Variants in COMMD10 observed in about 807,000 individuals in gnomAD.
COMMD10 encodes the protein COMM domain-containing protein 10.
In COMMD10, 33 loss-of-function variants were observed where a neutral mutation model predicts 28.9. That is an observed-to-expected ratio of 1.14 (90% CI 0.87 to 1.53). The LOEUF (loss-of-function observed/expected upper bound fraction) is 1.53. Among genes scored for constraint, COMMD10 ranks in the 40% most tolerant of loss-of-function variants. The pLI is 0.00. For missense variants in COMMD10, 310 were observed against 233.4 expected (o/e 1.33, Z -2.14); for synonymous variants, 110 against 81.7 (o/e 1.35, Z -1.87).
intron 5 of COMMD10, among the ~76,000 whole-genome samples, chr5:116,159,647 C>T (rs1386958051): frequency 6.6e-6 from 1 of 152,162 alleles, no homozygotes; most frequent in Non-Finnish European, 1.5e-5. Flanking sequence ...ACACTAGATG[C>T]TTGTACATGA....
intron 5 of COMMD10, among the ~76,000 whole-genome samples, chr5:116,146,441 T>C (rs913238236): frequency 1.3e-5 from 2 of 151,868 alleles, no homozygotes; most frequent in Non-Finnish European, 2.9e-5. Context: ...TTTTTGGAAT[T>C]GTTTTTCTGA....
intron 5 of COMMD10, among the ~76,000 whole-genome samples, chr5:116,250,707 G>A (rs57298506): frequency 0.26 from 39,051 of 151,730 alleles, 6,622 homozygotes; most frequent in African/African-American, 0.49. Flanking sequence ...GGAGGAGATG[G>A]GAGGGAACTG....
intron 5 of COMMD10, among the ~76,000 whole-genome samples, chr5:116,241,594 A>ATTTATTTG (rs1380311345): frequency 4.7e-5 from 7 of 147,410 alleles, no homozygotes; most frequent in Non-Finnish European, 7.5e-5. Flanking sequence ...TTATTTATTT[A>ATTTATTTG]TTTATTTATT....
chr5:116,091,520 G>A (rs1750297736), intron 3 of COMMD10, among the ~76,000 whole-genome samples: 1 of 152,114 alleles, frequency 6.6e-6, no homozygotes, highest in South Asian at 2.1e-4. Flanking sequence ...TAGAAAAGAA[G>A]TATTGTCATA....
At chr5:116,257,728 T>A (rs1033145117) in intron 5 of COMMD10, among the ~76,000 whole-genome samples, 1 of 151,670 alleles carries the variant, frequency 6.6e-6, no homozygotes, top group Non-Finnish European at 1.5e-5. Context: ...AAATAATATA[T>A]CAAATAAAAG....
intron 5 of COMMD10, among the ~76,000 whole-genome samples, chr5:116,232,750 A>C (rs1251825465): frequency 1.3e-5 from 2 of 152,290 alleles, no homozygotes; most frequent in African/African-American, 4.8e-5. Context: ...AAAATGTTAT[A>C]AAATTTGACG....
intron 5 of COMMD10, among the ~76,000 whole-genome samples, chr5:116,236,383 A>G (rs952049335): frequency 1.3e-5 from 2 of 151,842 alleles, no homozygotes; most frequent in African/African-American, 4.8e-5. Flanking sequence ...AGGCACCTGT[A>G]ATCCCAGCTA....
intron 5 of COMMD10, among the ~76,000 whole-genome samples, chr5:116,199,096 T>G (rs1183136549): frequency 6.6e-6 from 1 of 152,186 alleles, no homozygotes; most frequent in Non-Finnish European, 1.5e-5. Context: ...AGGGTTCTTG[T>G]TGCTCCTTAT....
rs138746716 is a variant in COMMD10, at chr5:116,091,378, C to G, written c.243+189C>G. On this transcript the variant is annotated intron_variant, in intron 3 of 6. Transcript: ENST00000274458. ...TAAAGTATTTAAATATGAATTGAGA[C>G]TTCATTGATTTGAGACAGTTATACA... 3.9e-3 allele frequency among the ~76,000 whole-genome samples: 588 copies of G among 152,022 alleles called. 4 individuals carry two copies. The highest frequency in any genetic ancestry group is 6.8e-3 in the Middle Eastern group (2 of 294).
At chr5:116,184,218 CTCTTTTTT>C (rs1561654354) in intron 5 of COMMD10, among the ~76,000 whole-genome samples, 1 of 150,768 alleles carries the variant, frequency 6.6e-6, no homozygotes, top group Non-Finnish European at 1.5e-5. Context: ...AGTTCTGTCT[CTCTTTTTT>C]TTTTTAATCC....
intron 5 of COMMD10, among the ~76,000 whole-genome samples, chr5:116,257,950 C>T (rs745943789): frequency 2.5e-4 from 38 of 151,580 alleles, no homozygotes; most frequent in Non-Finnish European, 4.6e-4. Context: ...TGGTTCTGTG[C>T]GATATAGAAT....
intron 4 of COMMD10, among the ~76,000 whole-genome samples, chr5:116,127,169 G>A (rs1751683617): frequency 6.6e-6 from 1 of 152,128 alleles, no homozygotes; most frequent in Non-Finnish European, 1.5e-5. Flanking sequence ...ACAGACACAT[G>A]AAAAAATGTT....
intron 4 of COMMD10, among the ~76,000 whole-genome samples, chr5:116,127,132 T>G (rs1041021547): frequency 6.6e-6 from 1 of 151,964 alleles, no homozygotes; most frequent in Admixed American, 6.6e-5. Context: ...AACAGACACT[T>G]CTCAAAAGAA....
At chr5:116,104,628 T>G (rs1304989181) in intron 4 of COMMD10, among the ~76,000 whole-genome samples, 1 of 150,368 alleles carries the variant, frequency 6.7e-6, no homozygotes, top group African/African-American at 2.4e-5. Context: ...TTTTTTTTCT[T>G]TTTTTTTTTG....
At chr5:116,142,470 GAAAGGGTAT>G (rs1752224721) in intron 5 of COMMD10, among the ~76,000 whole-genome samples, 7 of 151,778 alleles carry the variant, frequency 4.6e-5, no homozygotes, top group Non-Finnish European at 1.0e-4. Flanking sequence ...ATTACTAGGT[GAAAGGGTAT>G]AAACCAAAAT....
At chr5:116,140,511 T>A (rs1752165919) in intron 5 of COMMD10, among the ~76,000 whole-genome samples, 2 of 151,818 alleles carry the variant, frequency 1.3e-5, no homozygotes, top group Admixed American at 1.3e-4. Context: ...CTGTTGTCCT[T>A]AATGGCTATA....
intron 5 of COMMD10, among the ~76,000 whole-genome samples, chr5:116,251,259 CTT>C (rs1750106318): frequency 7.3e-6 from 1 of 136,160 alleles, no homozygotes; most frequent in Non-Finnish European, 1.6e-5. Context: ...AAAGCAGACT[CTT>C]TTCTTTTTAT....
At chr5:116,182,715 G>C (rs1169997446) in intron 5 of COMMD10, among the ~76,000 whole-genome samples, 1 of 152,034 alleles carries the variant, frequency 6.6e-6, no homozygotes, top group African/African-American at 2.4e-5. Flanking sequence ...CTATCTCCAA[G>C]TGGAAAAAAT....
intron 5 of COMMD10, among the ~76,000 whole-genome samples, chr5:116,213,240 A>C (rs1749012886): frequency 1.3e-5 from 2 of 152,046 alleles, no homozygotes; most frequent in African/African-American, 4.8e-5. Flanking sequence ...ATTCTTAATA[A>C]TTTTTCCACT....
Sources: gnomAD v4.1 joint callset for allele counts (sites outside exome capture counted in the v4.1 genomes callset) on GRCh38, gnomAD v4.1.1 for gene constraint, MANE v1.5 for transcripts, NCBI Gene and HGNC (gene_info 2026-07-23, HGNC 2026-07-21) for gene names.